KIAA1755: variants seen among roughly 807,000 people sequenced by gnomAD.
The protein encoded by KIAA1755 is uncharacterized protein KIAA1755.
KIAA1755 carries 68 observed loss-of-function variants against 91.7 expected under a neutral mutation model. The ratio of observed to expected loss-of-function variants is 0.74; its 90% CI spans 0.61 to 0.91. KIAA1755 has a LOEUF of 0.91. Among genes scored for constraint, KIAA1755 ranks in the 40% least tolerant of loss-of-function variants. The probability of loss-of-function intolerance (pLI) is 0.00; values close to 1 mark genes in which losing one functional copy is unlikely to be tolerated. For synonymous variants in KIAA1755, 610 were observed against 604.6 expected (o/e 1.01, Z -0.13); for missense variants, 1,535 against 1,494.4 (o/e 1.03, Z -0.45).
intron 4 of KIAA1755, among the ~76,000 whole-genome samples, chr20:38,232,967 A>T (rs976540916): frequency 6.6e-6 from 1 of 152,094 alleles, no homozygotes; most frequent in African/African-American, 2.4e-5. Context: ...AAAATTAAAA[A>T]AATAATTAGC....
In KIAA1755 at chr20:38,260,249, G is replaced by A. The variant is rs1188639714; in HGVS notation, c.3+249C>T. ...GGTCTAGGGGTTGGGGAATATTAAA[G>A]TTTACAAGTACAATCTTACTCCATC... On this transcript the variant is annotated intron_variant, in intron 1 of 13. Coordinates refer to ENST00000279024, the MANE Select transcript of KIAA1755 (RefSeq NM_001029864.2). 7.1e-6 allele frequency: 11 copies of A among 1,539,000 alleles called. No homozygotes were observed. In the South Asian group the frequency reaches 1.3e-4, roughly 19 times the overall value.
intron 13 of KIAA1755, among the ~76,000 whole-genome samples, chr20:38,216,302 C>A (rs775602373): frequency 6.6e-6 from 1 of 152,234 alleles, no homozygotes; most frequent in Non-Finnish European, 1.5e-5. Context: ...CCAACATCTG[C>A]CTCCCTTGCC....
intron 1 of KIAA1755, among the ~76,000 whole-genome samples, chr20:38,249,328 G>A (rs1433712392): frequency 6.6e-6 from 1 of 152,210 alleles, no homozygotes; most frequent in African/African-American, 2.4e-5. Context: ...TGTTGCCCAG[G>A]GGGGCAAAGG....
intron 6 of KIAA1755, 152 bp from the exon 7 acceptor site, chr20:38,227,392 C>G: frequency 1.8e-6 from 1 of 552,636 alleles, no homozygotes; most frequent in Non-Finnish European, 3.2e-6. Flanking sequence ...TTGTGTGATA[C>G]GTTTGGACCG....
chr20:38,257,781 A>T (rs1480271058), intron 1 of KIAA1755, among the ~76,000 whole-genome samples: 5 of 152,102 alleles, frequency 3.3e-5, no homozygotes, highest in Non-Finnish European at 5.9e-5. Context: ...GCACTTACTC[A>T]TCACTCTGTT....
Position 38,218,163 on chromosome 20 carries a change from C to T in KIAA1755, c.2679+81G>A, listed in dbSNP as rs1444495297. On this transcript the variant is annotated intron_variant, in intron 12 of 13. Coordinates refer to ENST00000279024, the MANE Select transcript of KIAA1755 (RefSeq NM_001029864.2). Reference sequence around the variant, plus strand: ...CTTTTCTTGCTCTTTCCCACCTCCACAGCTTTGCCCTGGCAGTGCCACCCC... The same window carrying T: ...CTTTTCTTGCTCTTTCCCACCTCCATAGCTTTGCCCTGGCAGTGCCACCCC... 8.2e-6 allele frequency: 13 copies of T among 1,580,554 alleles called. No homozygotes were observed. In the South Asian group the frequency reaches 1.1e-4, roughly 14 times the overall value.
In KIAA1755 at chr20:38,240,729, T is replaced by C; in HGVS notation, c.1402A>G (p.Thr468Ala). The C allele has an allele frequency of 6.4e-7, 1 of 1,567,854 alleles. No homozygotes were observed. ...SRNTSSPEPP[T>A]PGLKFSFLRG... is the part of the protein sequence containing the mutation. ...AAGAATGAGAATTTGAGCCCAGGAG[T>C]GGGGGGCTCAGGGGAGGAGGTGTTT... Residue 468 changes from threonine (T) to alanine (A), a missense_variant, in exon 3 of 14, where the codon ACT (threonine) becomes GCT (alanine). Transcript: ENST00000279024.
chr20:38,259,843 C>A (rs2076413110), intron 1 of KIAA1755, among the ~76,000 whole-genome samples: 1 of 151,630 alleles, frequency 6.6e-6, no homozygotes, highest in Non-Finnish European at 1.5e-5. Context: ...CACACACACA[C>A]ACACACACAC....
At chr20:38,245,813 C>T in intron 2 of KIAA1755, 116 bp downstream of exon 2, 1 of 921,144 alleles carries the variant, frequency 1.1e-6, no homozygotes, top group Non-Finnish European at 1.7e-6. Flanking sequence ...TCCCCCCACA[C>T]CCTCAGCTCC....
chr20:38,229,007 C>T (rs111406059), intron 5 of KIAA1755, among the ~76,000 whole-genome samples: 12 of 152,300 alleles, frequency 7.9e-5, no homozygotes, highest in Admixed American at 1.3e-4. Context: ...TACTCCTCTC[C>T]CATCCCCACC....
chr20:38,252,722 T>G (rs2076272421), intron 1 of KIAA1755, among the ~76,000 whole-genome samples: 2 of 152,300 alleles, frequency 1.3e-5, no homozygotes, highest in South Asian at 4.1e-4. Context: ...CTTTCACAAA[T>G]TGGCTTGGTT....
chr20:38,230,252 C>T (rs1199880800), intron 5 of KIAA1755, among the ~76,000 whole-genome samples: 2 of 152,250 alleles, frequency 1.3e-5, no homozygotes, highest in East Asian at 3.8e-4. Context: ...CACTCACTGA[C>T]TCACCCACTC....
At chr20:38,217,816 C>A in intron 12 of KIAA1755, 1 of 455,150 alleles carries the variant, frequency 2.2e-6, no homozygotes, top group Non-Finnish European at 3.9e-6. Context: ...CCTTACTGTG[C>A]GCTTCCCTGT....
chr20:38,251,402 A>T (rs1006020531), intron 1 of KIAA1755, among the ~76,000 whole-genome samples: 2 of 151,994 alleles, frequency 1.3e-5, no homozygotes, highest in African/African-American at 4.8e-5. Flanking sequence ...CCTGGCCCCT[A>T]TACTATGCTC....
chr20:38,260,371 G>A, intron 1 of KIAA1755, 127 bp downstream of exon 1: 1 of 1,596,368 alleles, frequency 6.3e-7, no homozygotes, highest in Non-Finnish European at 8.5e-7. Flanking sequence ...GCACAACCCT[G>A]CCAAGGCACT....
intron 1 of KIAA1755, among the ~76,000 whole-genome samples, chr20:38,255,456 A>AT (rs1030843863): frequency 3.9e-5 from 6 of 152,238 alleles, no homozygotes; most frequent in Non-Finnish European, 8.8e-5. Flanking sequence ...TGATCTACTG[A>AT]TTTTTCAGTA....
intron 4 of KIAA1755, among the ~76,000 whole-genome samples, chr20:38,237,254 A>G (rs1026969392): frequency 3.3e-5 from 5 of 152,058 alleles, no homozygotes; most frequent in African/African-American, 1.2e-4. Flanking sequence ...GTGTGAAGTC[A>G]TCACACAGGA....
intron 1 of KIAA1755, among the ~76,000 whole-genome samples, chr20:38,250,490 GT>G (rs1407147598): frequency 7.5e-6 from 1 of 132,942 alleles, no homozygotes; most frequent in Non-Finnish European, 1.6e-5. Context: ...TTATTATGGT[GT>G]GTGTGTGTGT....
intron 5 of KIAA1755, among the ~76,000 whole-genome samples, chr20:38,228,922 C>G (rs1159206236): frequency 6.6e-6 from 1 of 152,194 alleles, no homozygotes; most frequent in Non-Finnish European, 1.5e-5. Flanking sequence ...CAGTGGGCCA[C>G]TTTTCAGTGA....
Sources: allele counts gnomAD v4.1 joint callset (sites outside exome capture counted in the v4.1 genomes callset), GRCh38; gene constraint gnomAD v4.1.1; transcripts MANE v1.5; gene names NCBI Gene and HGNC (gene_info 2026-07-23, HGNC 2026-07-21).